The following PREX1 variants were observed in gnomAD, a reference collection of about 807,000 sequenced individuals.
The protein encoded by PREX1 is phosphatidylinositol-3,4,5-trisphosphate dependent Rac exchange factor 1, also known as phosphatidylinositol 3,4,5-trisphosphate-dependent Rac exchanger 1 protein.
A neutral mutation model predicts 198.3 loss-of-function variants in PREX1; 41 were observed. That is an observed-to-expected ratio of 0.21 (90% CI 0.16 to 0.27). The LOEUF is 0.27. Among genes scored for constraint, PREX1 ranks in the 10% least tolerant of loss-of-function variants. The pLI, the probability that PREX1 is intolerant of heterozygous loss-of-function variation, is 1.00. For missense variants in PREX1, 1,620 were observed against 2,200.7 expected, an observed-to-expected ratio of 0.74 and a Z score of 5.28; for synonymous variants, 843 against 887.2, an observed-to-expected ratio of 0.95 and a Z score of 0.89.
At chr20:48,876,283 C>G in the PREX1 span, among the ~76,000 whole-genome samples, 1 of 152,176 alleles carries the variant, frequency 6.6e-6, no homozygotes, top group African/African-American at 2.4e-5. Flanking sequence ...CACCCAGCCT[C>G]AGGTGGGCAG....
Position 48,639,798 on chromosome 20 carries a change from G to C in PREX1, c.3872C>G (p.Thr1291Ser), listed in dbSNP as rs759727690. 1.9e-6 allele frequency: 3 copies of C among 1,614,102 alleles called. No individual in the cohort carries two copies. The highest frequency in any genetic ancestry group is 2.2e-5 in the East Asian group (1 of 44,882). Residue 1291 changes from threonine to serine, a missense_variant, in exon 30 of 40, where the codon ACC becomes AGC. Thr to Ser is a moderately conservative substitution (Grantham distance 58, BLOSUM62 1). This residue lies in a region of PREX1 where 476 missense variants were observed against 603.4 expected (regional missense o/e 0.79). Coordinates refer to ENST00000371941, the MANE Select transcript of PREX1 (RefSeq NM_020820.4). ...ATATCTCTGAATGTTGTCCACCAGG[G>C]TCTTGATGGAGTTGGGGAGGTTCCA... ...DPWNLPNSIKTLVDNIQRYVE... is the reference protein window; with the variant it reads ...DPWNLPNSIKSLVDNIQRYVE...
chr20:48,719,310 C>T (rs564174229), intron 5 of PREX1, among the ~76,000 whole-genome samples: 3 of 152,206 alleles, frequency 2.0e-5, no homozygotes, highest in Non-Finnish European at 2.9e-5. Flanking sequence ...AGGACCCCCC[C>T]CCCAACTCCC....
chr20:48,686,031 C>T (rs2089781988), intron 10 of PREX1, among the ~76,000 whole-genome samples: 1 of 152,158 alleles, frequency 6.6e-6, no homozygotes, highest in Non-Finnish European at 1.5e-5. Context: ...AGGCAAAGTA[C>T]AGTGGGAGAC....
At chr20:48,761,992 C>T (rs1040830851) in intron 1 of PREX1, among the ~76,000 whole-genome samples, 3 of 152,186 alleles carry the variant, frequency 2.0e-5, no homozygotes, top group African/African-American at 4.8e-5. Flanking sequence ...AGGACAAGTG[C>T]TCCTCAATTT....
At chr20:48,704,958 G>A (rs1422718418) in intron 6 of PREX1, among the ~76,000 whole-genome samples, 5 of 152,146 alleles carry the variant, frequency 3.3e-5, no homozygotes, top group African/African-American at 1.2e-4. Flanking sequence ...AGGAGGCGCA[G>A]CCCACGCTGG....
intron 26 of PREX1, among the ~76,000 whole-genome samples, chr20:48,644,923 G>C (rs1264503069): frequency 1.3e-5 from 2 of 152,234 alleles, no homozygotes; most frequent in African/African-American, 4.8e-5. Flanking sequence ...CAGGAACTCG[G>C]AAGGTGTGGG....
chr20:48,637,652 G>A lies in PREX1; in HGVS notation c.3946+59C>T, dbSNP rs1432088771. The stretch of plus-strand genomic sequence containing the variant: ...CCAGGCCCCGAGGGCATGGATGGTC[G>A]GCCTTGGGTGGTGGAAGAGGCCGGG... On this transcript the variant is annotated intron_variant, in intron 31 of 39. Coordinates refer to ENST00000371941, the MANE Select transcript of PREX1 (RefSeq NM_020820.4). 4.8e-5 allele frequency: 71 copies of A among 1,471,042 alleles called. No individual in the cohort carries two copies. In the East Asian group the frequency reaches 1.4e-3, roughly 30 times the overall value. 91.1% of individuals were successfully genotyped at this position (1,471,042 alleles called of 1,614,324 possible).
chr20:48,697,867 G>T (rs1274823868), intron 7 of PREX1, among the ~76,000 whole-genome samples: 1 of 152,074 alleles, frequency 6.6e-6, no homozygotes, highest in South Asian at 2.1e-4. Context: ...TTTTGAATTC[G>T]CCCAGAAGCA....
chr20:48,773,358 C>T (rs905531929), intron 1 of PREX1, among the ~76,000 whole-genome samples: 1 of 151,762 alleles, frequency 6.6e-6, no homozygotes, highest in Non-Finnish European at 1.5e-5. Flanking sequence ...CTAGCTACCA[C>T]ATCCTACCAG....
intron 1 of PREX1, among the ~76,000 whole-genome samples, chr20:48,826,460 A>G (rs768501662): frequency 2.0e-5 from 3 of 152,222 alleles, no homozygotes; most frequent in Non-Finnish European, 4.4e-5. Flanking sequence ...TTAGAACACC[A>G]GCTGGGATAG....
At chr20:48,823,767 T>C (rs945065476) in intron 1 of PREX1, among the ~76,000 whole-genome samples, 2 of 152,164 alleles carry the variant, frequency 1.3e-5, no homozygotes, top group Non-Finnish European at 2.9e-5. Context: ...TAATAAATCA[T>C]GTGCCAAGCC....
intron 5 of PREX1, among the ~76,000 whole-genome samples, chr20:48,722,098 G>A (rs1201588333): frequency 3.9e-5 from 6 of 152,270 alleles, no homozygotes; most frequent in African/African-American, 1.2e-4. Context: ...CCGGGCTGAA[G>A]TCATCCAGGT....
At chr20:48,812,459 T>C (rs1439025481) in intron 1 of PREX1, among the ~76,000 whole-genome samples, 1 of 151,046 alleles carries the variant, frequency 6.6e-6, no homozygotes, top group Admixed American at 6.6e-5. Flanking sequence ...GGGTAAAAAA[T>C]ATAAGAGGAA....
chr20:48,664,928 G>C (rs558574599), intron 15 of PREX1, among the ~76,000 whole-genome samples: 1 of 138,326 alleles, frequency 7.2e-6, no homozygotes, highest in South Asian at 2.3e-4. Flanking sequence ...TTCTAATCCC[G>C]ACTCCAGACG....
chr20:48,778,347 G>A (rs1371374079), intron 1 of PREX1, among the ~76,000 whole-genome samples: 1 of 151,676 alleles, frequency 6.6e-6, no homozygotes, highest in Admixed American at 6.6e-5. Flanking sequence ...GCCAAGGCGG[G>A]CAGATCACTT....
rs141607453 is a variant in PREX1 at position 48,741,031 on chromosome 20, C to T, written c.414+3994G>A. 2.5e-4 allele frequency among the ~76,000 whole-genome samples: 38 copies of T among 150,542 alleles called. 1 individual carries two copies. In the South Asian group the frequency reaches 5.6e-3, roughly 22 times the overall value. On this transcript the variant is annotated intron_variant, in intron 3 of 39. Coordinates refer to ENST00000371941, the MANE Select transcript of PREX1 (RefSeq NM_020820.4). Reference sequence around the variant, plus strand: ...GAATCAATTTTTTTTTTTTTTGAGACGGAGTCTCACACTGTTGCAGGGGCT... The same window carrying T: ...GAATCAATTTTTTTTTTTTTTGAGATGGAGTCTCACACTGTTGCAGGGGCT...
chr20:48,735,000 T>C (rs963523009), intron 3 of PREX1, among the ~76,000 whole-genome samples: 3 of 152,188 alleles, frequency 2.0e-5, no homozygotes, highest in Non-Finnish European at 4.4e-5. Context: ...TCTCCTTATC[T>C]GTAAGGTAGA....
chr20:48,777,134 G>C (rs907785154), intron 1 of PREX1, among the ~76,000 whole-genome samples: 5 of 152,148 alleles, frequency 3.3e-5, no homozygotes, highest in African/African-American at 1.2e-4. Flanking sequence ...GGGAAGTGAG[G>C]TAAGTGGCCC....
intron 10 of PREX1, among the ~76,000 whole-genome samples, chr20:48,685,193 C>A (rs533866502): frequency 3.3e-4 from 50 of 152,190 alleles, no homozygotes; most frequent in Non-Finnish European, 5.3e-4. Context: ...AGCAGGGACT[C>A]GGTAACACTG....
Sources: allele counts gnomAD v4.1 joint callset (sites outside exome capture counted in the v4.1 genomes callset), GRCh38; gene constraint gnomAD v4.1.1; regional missense constraint gnomAD v4.1.1; transcripts MANE v1.5; gene names NCBI Gene and HGNC (gene_info 2026-07-23, HGNC 2026-07-21).